CLASP2: variants seen among roughly 807,000 people sequenced by gnomAD.
CLASP2 encodes the protein CLIP-associating protein 2.
Under a neutral mutation model 194.4 loss-of-function variants are expected in CLASP2, and 47 were observed. That is an observed-to-expected ratio of 0.24 (90% confidence interval 0.19 to 0.31). The LOEUF (loss-of-function observed/expected upper bound fraction) is 0.31, where lower values mean the gene tolerates loss of function less well. Ranked by LOEUF, CLASP2 falls within the 10% of genes least tolerant of loss-of-function variation. CLASP2 has a pLI of 1.00. For synonymous variants in CLASP2, 619 were observed against 633.5 expected, an observed-to-expected ratio of 0.98 and a Z score of 0.34; for missense variants, 1,445 against 1,823.6, an observed-to-expected ratio of 0.79 and a Z score of 3.78.
At chr3:33,568,267 ACATGGTCAGG>A (rs922361748) in intron 26 of CLASP2, among the ~76,000 whole-genome samples, 4 of 152,064 alleles carry the variant, frequency 2.6e-5, no homozygotes, top group Non-Finnish European at 5.9e-5. Context: ...TTATATAACC[ACATGGTCAGG>A]CATGGTGGCT....
intron 28 of CLASP2, among the ~76,000 whole-genome samples, chr3:33,560,567 T>A (rs2061654279): frequency 6.6e-6 from 1 of 151,898 alleles, no homozygotes; most frequent in South Asian, 2.1e-4. Context: ...TAAGATAAAA[T>A]ACCACCTTGA....
Position 33,584,535 on chromosome 3 carries a change from G to C in CLASP2, c.2239+215C>G, listed in dbSNP as rs189687619. Among the ~76,000 whole-genome samples the C allele has an allele frequency of 4.4e-3, 661 of 151,458 alleles. 3 individuals carry two copies. Among genetic ancestry groups the C allele is most frequent in the Non-Finnish European group, 6.1e-3 (417 of 67,808 alleles). On this transcript the variant is annotated intron_variant, in intron 22 of 38. Transcript: ENST00000682230. ...CCCCCCTCAGCCTCCCAAAGTGCTG[G>C]GATTACAGGCATGAGCCACTGTGCC...
intron 8 of CLASP2, chr3:33,644,501 CT>C: frequency 2.5e-6 from 1 of 393,538 alleles, no homozygotes; most frequent in Non-Finnish European, 4.7e-6. Flanking sequence ...TTCCATAAAT[CT>C]TTTTCAAAAT....
chr3:33,676,946 T>C (rs2088788468), intron 6 of CLASP2, among the ~76,000 whole-genome samples: 1 of 152,008 alleles, frequency 6.6e-6, no homozygotes, highest in Non-Finnish European at 1.5e-5. Flanking sequence ...AAAAAACACA[T>C]GAAAAAATGC....
At chr3:33,669,970 A>G (rs1366478030) in intron 6 of CLASP2, among the ~76,000 whole-genome samples, 1 of 152,216 alleles carries the variant, frequency 6.6e-6, no homozygotes, top group Non-Finnish European at 1.5e-5. Flanking sequence ...CAATGCAAAT[A>G]TCCATCTATA....
chr3:33,704,170 C>G (rs979282144), intron 1 of CLASP2, among the ~76,000 whole-genome samples: 3 of 152,134 alleles, frequency 2.0e-5, no homozygotes, highest in African/African-American at 7.2e-5. Flanking sequence ...GTATATTTAT[C>G]AAAACCTATA....
chr3:33,626,151 G>T (rs1229879778), intron 10 of CLASP2, among the ~76,000 whole-genome samples: 1 of 151,990 alleles, frequency 6.6e-6, no homozygotes, highest in Non-Finnish European at 1.5e-5. Context: ...AAGATATGTA[G>T]ACTTCCTAAC....
chr3:33,673,278 G>C (rs961618227), intron 6 of CLASP2, among the ~76,000 whole-genome samples: 2 of 152,092 alleles, frequency 1.3e-5, no homozygotes, highest in African/African-American at 4.8e-5. Context: ...AGAGAGTGGG[G>C]GCCAATATTC....
At chr3:33,514,430 A>C in intron 36 of CLASP2, 1 of 154,186 alleles carries the variant, frequency 6.5e-6, no homozygotes, top group Middle Eastern at 1.6e-3. Context: ...TGCCTAATCC[A>C]AGGTAACAAA....
intron 36 of CLASP2, among the ~76,000 whole-genome samples, chr3:33,515,317 TATC>T (rs2051000550): frequency 6.6e-6 from 1 of 152,160 alleles, no homozygotes; most frequent in Non-Finnish European, 1.5e-5. Flanking sequence ...GGGAGAGAGA[TATC>T]ATGGCTACCA....
chr3:33,608,530 G>C (rs751209531), intron 14 of CLASP2, 37 bp downstream of exon 14: 4 of 1,508,726 alleles, frequency 2.7e-6, no homozygotes, highest in African/African-American at 2.8e-5. Context: ...GGTGACAATG[G>C]GGAGGAAAGT....
At chr3:33,703,962 T>C (rs9858578) in intron 1 of CLASP2, among the ~76,000 whole-genome samples, 2,740 of 152,326 alleles carry the variant, frequency 0.018, 88 homozygotes, top group African/African-American at 0.062. Context: ...CTTAAATGTA[T>C]GCTATTAAGT....
Position 33,543,473 on chromosome 3 carries a change from T to A in CLASP2, c.3364A>T (p.Thr1122Ser), listed in dbSNP as rs753395553. The stretch of plus-strand genomic sequence containing the variant: ...TTCTGTGATGTATTGGTAGGAGAAG[T>A]AAGAGGACTGGACCAGTTAGCTGGT... ...RSPANWSSPL[T>S]SPTNTSQNTL... Residue 1122 changes from threonine (T) to serine (S), a missense_variant, in exon 32 of 39, where the codon ACT becomes TCT. By Grantham distance (58) the Thr-to-Ser change is moderately conservative. This residue lies in a region of CLASP2 where 732 missense variants were observed against 987.9 expected (regional missense o/e 0.74). Coordinates refer to ENST00000682230, the MANE Select transcript of CLASP2 (RefSeq NM_001365631.1). The A allele has an allele frequency of 6.2e-7, 1 of 1,612,700 alleles. No individual in the cohort carries two copies. The highest frequency in any genetic ancestry group is 8.5e-7 in the Non-Finnish European group (1 of 1,178,740).
chr3:33,562,008 C>G (rs1449393147), intron 27 of CLASP2, among the ~76,000 whole-genome samples: 1 of 152,072 alleles, frequency 6.6e-6, no homozygotes, highest in African/African-American at 2.4e-5. Flanking sequence ...TATTTTATTT[C>G]TTGAATTCCC....
intron 8 of CLASP2, among the ~76,000 whole-genome samples, chr3:33,640,292 G>T (rs1299125067): frequency 1.3e-5 from 2 of 151,998 alleles, no homozygotes; most frequent in African/African-American, 4.8e-5. Flanking sequence ...CTGCATGATG[G>T]GAAAAATGGG....
At chr3:33,694,839 G>A (rs952928485) in intron 2 of CLASP2, among the ~76,000 whole-genome samples, 1 of 152,058 alleles carries the variant, frequency 6.6e-6, no homozygotes, top group African/African-American at 2.4e-5. Context: ...TACTCAGGAG[G>A]CTGAGGTGGG....
At chr3:33,668,753 G>A (rs1271797725) in intron 6 of CLASP2, among the ~76,000 whole-genome samples, 2 of 152,114 alleles carry the variant, frequency 1.3e-5, no homozygotes, top group African/African-American at 4.8e-5. Flanking sequence ...TGCTAAAGAA[G>A]CATCACCAAG....
At chr3:33,576,531 T>C in intron 23 of CLASP2, 1 of 396,320 alleles carries the variant, frequency 2.5e-6, no homozygotes, top group Non-Finnish European at 4.6e-6. Flanking sequence ...GAAGGAAGCA[T>C]GGCTGGCAGA....
intron 1 of CLASP2, among the ~76,000 whole-genome samples, chr3:33,716,352 T>G (rs763710257): frequency 2.0e-5 from 3 of 152,178 alleles, no homozygotes; most frequent in African/African-American, 7.2e-5. Flanking sequence ...GAAGTAGGGC[T>G]TAGAGGCATA....
Sources: allele counts gnomAD v4.1 joint callset (sites outside exome capture counted in the v4.1 genomes callset), GRCh38; gene constraint gnomAD v4.1.1; regional missense constraint gnomAD v4.1.1; transcripts MANE v1.5; gene names NCBI Gene and HGNC (gene_info 2026-07-23, HGNC 2026-07-21).